The following FOXJ3 variants were observed in gnomAD, a reference collection of about 807,000 sequenced individuals.
FOXJ3 encodes the protein forkhead box J3, also known as forkhead box protein J3.
A neutral mutation model predicts 76.1 loss-of-function variants in FOXJ3; 22 were observed. That is an observed-to-expected ratio of 0.29 (90% CI 0.21 to 0.41). The LOEUF (loss-of-function observed/expected upper bound fraction) is 0.41. FOXJ3 is among the 10% of genes least tolerant of loss of function. The pLI is 1.00. For missense variants in FOXJ3, 613 were observed against 762.1 expected, an observed-to-expected ratio of 0.80 and a Z score of 2.30; for synonymous variants, 269 against 261.2, an observed-to-expected ratio of 1.03 and a Z score of -0.29.
intron 2 of FOXJ3, among the ~76,000 whole-genome samples, chr1:42,279,818 A>C (rs1652563102): frequency 6.6e-6 from 1 of 152,110 alleles, no homozygotes; most frequent in African/African-American, 2.4e-5. Context: ...ATAAAAAAAA[A>C]CTTAAAGGTT....
chr1:42,296,464 G>A (rs1342936152), intron 2 of FOXJ3, among the ~76,000 whole-genome samples: 1 of 152,186 alleles, frequency 6.6e-6, no homozygotes, highest in African/African-American at 2.4e-5. Flanking sequence ...CATCCGTCCT[G>A]AGTTAATTTT....
At chr1:42,248,730 C>CTTTTTTTTTTTTTTTTTTTT in intron 4 of FOXJ3, among the ~76,000 whole-genome samples, 1 of 92,192 alleles carries the variant, frequency 1.1e-5, no homozygotes, top group Non-Finnish European at 2.1e-5. Flanking sequence ...CCTGTTTTTT[C>CTTTTTTTTTTTTTTTTTTTT]TTTTTTTTTT....
At position 42,216,588 on chromosome 1, in the gene FOXJ3, T is replaced by C. The variant is rs1252065406; in HGVS notation, c.529-10725A>G. On this transcript the variant is annotated intron_variant, in intron 5 of 12. Coordinates refer to ENST00000361346, the MANE Select transcript of FOXJ3 (RefSeq NM_014947.5). Reference sequence around the variant, plus strand: ...CACATAAATTATTTAAGGCAAAAGTTATAACACTGTCTTATGAACATCTAC... The same window carrying C: ...CACATAAATTATTTAAGGCAAAAGTCATAACACTGTCTTATGAACATCTAC... Among the ~76,000 whole-genome samples, 3 of 152,062 alleles carry C rather than the reference T, an allele frequency of 2.0e-5. No individual in the cohort carries two copies. In the East Asian group the frequency reaches 5.8e-4, roughly 29 times the overall value.
intron 4 of FOXJ3, 33 bp downstream of exon 4, chr1:42,265,082 A>C (rs1247491571): frequency 6.3e-6 from 8 of 1,275,580 alleles, no homozygotes; most frequent in African/African-American, 1.5e-5. Context: ...GACATACTGA[A>C]GAATTCAACT....
chr1:42,316,146 G>A (rs1655091092), intron 1 of FOXJ3, among the ~76,000 whole-genome samples: 1 of 152,008 alleles, frequency 6.6e-6, no homozygotes, highest in Non-Finnish European at 1.5e-5. Context: ...ATAGAACTAA[G>A]TATTTTGAAA....
At chr1:42,207,410 A>G (rs1445730489) in intron 5 of FOXJ3, among the ~76,000 whole-genome samples, 1 of 152,218 alleles carries the variant, frequency 6.6e-6, no homozygotes, top group Admixed American at 6.5e-5. Flanking sequence ...GTTAAAAACA[A>G]TACAGAAAGT....
chr1:42,222,104 A>AGAAGAAGAAGAAGAAGAAGAG (rs1557649845), intron 5 of FOXJ3, among the ~76,000 whole-genome samples: 2 of 148,474 alleles, frequency 1.3e-5, no homozygotes, highest in Non-Finnish European at 3.0e-5. Context: ...AAGAAGAAGA[A>AGAAGAAGAAGAAGAAGAAGAG]GAAGAAATAA....
chr1:42,219,494 C>T (rs1373081210), intron 5 of FOXJ3, among the ~76,000 whole-genome samples: 1 of 152,212 alleles, frequency 6.6e-6, no homozygotes, highest in African/African-American at 2.4e-5. Context: ...GGGAGGTCTA[C>T]TGTACCATTT....
chr1:42,295,224 C>CCG (rs969805802), intron 2 of FOXJ3, among the ~76,000 whole-genome samples: 1 of 152,126 alleles, frequency 6.6e-6, no homozygotes, highest in Non-Finnish European at 1.5e-5. Flanking sequence ...ACCCTCCCCC[C>CCG]GGTGGACTCT....
chr1:42,239,412 G>A (rs1325927141), intron 4 of FOXJ3, among the ~76,000 whole-genome samples: 1 of 149,998 alleles, frequency 6.7e-6, no homozygotes, highest in Non-Finnish European at 1.5e-5. Flanking sequence ...TTTTATTGGT[G>A]GTTTGCTGGA....
chr1:42,327,918 C>T (rs1655931725), intron 1 of FOXJ3, among the ~76,000 whole-genome samples: 1 of 152,162 alleles, frequency 6.6e-6, no homozygotes, highest in Non-Finnish European at 1.5e-5. Context: ...GAATAGCTGG[C>T]CAACTCTATG....
intron 2 of FOXJ3, among the ~76,000 whole-genome samples, chr1:42,302,501 G>T (rs909204968): frequency 2.2e-4 from 34 of 152,204 alleles, no homozygotes; most frequent in African/African-American, 7.5e-4. Flanking sequence ...CACCAGGTAT[G>T]GGGGGCAGGG....
At chr1:42,277,534 A>AGG (rs1173820769) in intron 3 of FOXJ3, among the ~76,000 whole-genome samples, 7,993 of 26,748 alleles carry the variant, frequency 0.3, 1,511 homozygotes, top group Admixed American at 0.37. Flanking sequence ...GCGGTGGCTC[A>AGG]CGCCTGTAAT....
chr1:42,282,689 T>C (rs1056586291), intron 2 of FOXJ3, among the ~76,000 whole-genome samples: 2 of 152,184 alleles, frequency 1.3e-5, no homozygotes, highest in Admixed American at 6.5e-5. Flanking sequence ...TGTTCTGGAA[T>C]GTCCTTTCCT....
chr1:42,190,486 T>C (rs897692618), intron 9 of FOXJ3, among the ~76,000 whole-genome samples: 2 of 152,236 alleles, frequency 1.3e-5, no homozygotes, highest in African/African-American at 4.8e-5. Context: ...AATATCCAAA[T>C]GAGCCACGAA....
chr1:42,261,228 GAAAAC>G (rs1651009265), intron 4 of FOXJ3, among the ~76,000 whole-genome samples: 1 of 150,242 alleles, frequency 6.7e-6, no homozygotes, highest in Non-Finnish European at 1.5e-5. Flanking sequence ...CAAATATAGA[GAAAAC>G]AGAACTAATG....
chr1:42,255,920 G>A (rs1408578367), intron 4 of FOXJ3, among the ~76,000 whole-genome samples: 1 of 152,222 alleles, frequency 6.6e-6, no homozygotes, highest in Non-Finnish European at 1.5e-5. Flanking sequence ...TACTCGGGAG[G>A]CTGAGGCAGA....
chr1:42,182,066 C>A lies in FOXJ3; in HGVS notation c.1646-42G>T, dbSNP rs779900974. 7.6e-6 allele frequency: 8 copies of A among 1,048,534 alleles called. No individual in the cohort carries two copies. In the African/African-American group the frequency reaches 7.9e-5, roughly 10 times the overall value. The allele number at this position is 1,048,534 out of a possible 1,614,324, so 65.0% of individuals were successfully genotyped here. A position where few individuals can be genotyped will look rare whatever the true frequency, so the allele number is the denominator to read the frequency against. On this transcript the variant is annotated intron_variant, in intron 11 of 12. Coordinates refer to ENST00000361346, the MANE Select transcript of FOXJ3 (RefSeq NM_014947.5). The stretch of plus-strand genomic sequence containing the variant: ...CAGAAAGAGGGAAAACATGTTACCA[C>A]AAATAAAACAAATGGAGCACTAAAA...
intron 5 of FOXJ3, among the ~76,000 whole-genome samples, chr1:42,226,867 C>T (rs1030232532): frequency 3.9e-5 from 6 of 152,248 alleles, no homozygotes; most frequent in Admixed American, 2.0e-4. Context: ...ATCTTTGAGG[C>T]TCAAAAGTTT....
Sources: allele counts gnomAD v4.1 joint callset (sites outside exome capture counted in the v4.1 genomes callset), GRCh38; gene constraint gnomAD v4.1.1; transcripts MANE v1.5; gene names NCBI Gene and HGNC (gene_info 2026-07-23, HGNC 2026-07-21).